The following ZAN variants were observed in gnomAD, a reference collection of about 807,000 sequenced individuals.
ZAN encodes the protein zonadhesin.
A neutral mutation model predicts 286.2 loss-of-function variants in ZAN; 260 were observed. The ratio of observed to expected loss-of-function variants is 0.91; its 90% CI spans 0.82 to 1.01. The LOEUF (loss-of-function observed/expected upper bound fraction) is 1.01, where lower values mean the gene tolerates loss of function less well. Ranked by LOEUF, ZAN falls within the 50% of genes least tolerant of loss-of-function variation. The pLI is 0.00. For missense variants in ZAN, 3,410 were observed against 3,639.2 expected (o/e 0.94, Z 1.62); for synonymous variants, 1,368 against 1,417.5 (o/e 0.97, Z 0.79).
At chr7:100,790,801 T>TGAAACCAGGA in intron 39 of ZAN, 141 bp from the exon 40 acceptor site, 1 of 918,556 alleles carries the variant, frequency 1.1e-6, no homozygotes, top group Non-Finnish European at 1.6e-6. Flanking sequence ...GGGAATTGCT[T>TGAAACCAGGA]GAAACCAGGA....
At chr7:100,780,411 T>C (rs1173521667) in intron 35 of ZAN, among the ~76,000 whole-genome samples, 2 of 151,848 alleles carry the variant, frequency 1.3e-5, no homozygotes, top group Non-Finnish European at 2.9e-5. Context: ...TGATGGCTCA[T>C]GCCTATAATC....
chr7:100,753,419 G>A (rs1439427945), intron 14 of ZAN, among the ~76,000 whole-genome samples, 190 bp downstream of exon 14: 1 of 152,230 alleles, frequency 6.6e-6, no homozygotes, highest in Non-Finnish European at 1.5e-5. Context: ...GAGCGAGAGG[G>A]ATGGCAGGGC....
At chr7:100,749,397 T>G (rs1247690504) in intron 11 of ZAN, among the ~76,000 whole-genome samples, 1 of 151,702 alleles carries the variant, frequency 6.6e-6, no homozygotes, top group Non-Finnish European at 1.5e-5. Flanking sequence ...TCCCAGCACT[T>G]TGGGAGGCCA....
At chr7:100,751,346 G>A in intron 13 of ZAN, 80 bp downstream of exon 13, 2 of 1,039,808 alleles carry the variant, frequency 1.9e-6, no homozygotes, top group East Asian at 2.9e-5. Flanking sequence ...TGCTTAAAAT[G>A]TGAGTCCTCC....
At chr7:100,771,730 C>T (rs1175487306) in intron 28 of ZAN, 114 bp from the exon 29 acceptor site, 62 of 1,180,782 alleles carry the variant, frequency 5.3e-5, no homozygotes, top group Non-Finnish European at 6.3e-5. Context: ...CTGTGCCTGG[C>T]GGGAAAATCC....
rs773063072 is a variant in ZAN, at chr7:100,734,618, C to CAAA, written c.53+408_53+410dup. Among the ~76,000 whole-genome samples, 202 of 72,080 alleles carry CAAA rather than the reference C, an allele frequency of 2.8e-3. 12 individuals are homozygous for CAAA. The highest frequency in any genetic ancestry group is 9.9e-3 in the African/African-American group (192 of 19,470). 47.3% of individuals were successfully genotyped at this position (72,080 alleles called of 152,430 possible). ...TGGATGACAGAGCGAGACTCCGTCTCAAAAAAAAAAAAACAAAAAAAAAGA... is the reference window on the plus strand; with the variant it reads ...TGGATGACAGAGCGAGACTCCGTCTCAAAAAAAAAAAAAAAACAAAAAAAAAGA... On this transcript the variant is annotated intron_variant, in intron 2 of 47. Transcript: ENST00000613979.
At chr7:100,770,111 C>T (rs1810274813) in intron 28 of ZAN, 137 bp downstream of exon 28, 3 of 746,876 alleles carry the variant, frequency 4.0e-6, no homozygotes, top group South Asian at 1.9e-5. Flanking sequence ...AACACAGGGC[C>T]AGCCAGCAGT....
intron 14 of ZAN, 90 bp downstream of exon 14, chr7:100,753,319 C>T (rs1006717899): frequency 6.1e-6 from 8 of 1,316,566 alleles, no homozygotes; most frequent in Non-Finnish European, 8.2e-6. Flanking sequence ...TGGTAGAAGC[C>T]TTCTAGTTGC....
intron 45 of ZAN, among the ~76,000 whole-genome samples, chr7:100,795,779 G>A (rs1013468748): frequency 4.0e-5 from 6 of 151,820 alleles, no homozygotes; most frequent in Admixed American, 6.6e-5. Flanking sequence ...GGTGGTGTGC[G>A]CCTGTAGTCC....
intron 36 of ZAN, among the ~76,000 whole-genome samples, chr7:100,785,653 T>G (rs961984509): frequency 6.7e-6 from 1 of 149,682 alleles, no homozygotes; most frequent in African/African-American, 2.5e-5. Context: ...CCCTCCCCTC[T>G]TCACTCTTTT....
intron 17 of ZAN, 95 bp from the exon 18 acceptor site, chr7:100,759,625 GC>G: frequency 1.5e-6 from 2 of 1,314,610 alleles, no homozygotes; most frequent in Non-Finnish European, 9.8e-7. Context: ...TCTCGGTGGC[GC>G]TCATCTCTCC....
chr7:100,778,595 G>T (rs1464330153), intron 34 of ZAN, among the ~76,000 whole-genome samples: 1 of 151,918 alleles, frequency 6.6e-6, no homozygotes. Flanking sequence ...GCGACAGATT[G>T]GGAAGCAAAA....
intron 37 of ZAN, among the ~76,000 whole-genome samples, chr7:100,786,832 A>G (rs971182526): frequency 6.6e-6 from 1 of 152,164 alleles, no homozygotes; most frequent in Non-Finnish European, 1.5e-5. Context: ...TGGAAGAATC[A>G]CTTCAGCCCA....
chr7:100,766,493 A>C (rs1425659359), intron 23 of ZAN, 32 bp from the exon 24 acceptor site: 1 of 1,535,964 alleles, frequency 6.5e-7, no homozygotes. Flanking sequence ...AAAAAAAAAC[A>C]CTTTCTCTTC....
At chr7:100,756,460 T>C (rs1809154524) in intron 15 of ZAN, among the ~76,000 whole-genome samples, 1 of 151,948 alleles carries the variant, frequency 6.6e-6, no homozygotes, top group South Asian at 2.1e-4. Context: ...CATTAAGCTA[T>C]TCATTAATGT....
rs779123004 is a variant in ZAN at position 100,747,555 on chromosome 7, A to T, written c.937A>T (p.Ile313Phe). The T allele has an allele frequency of 1.9e-6, 3 of 1,613,570 alleles. No individual in the cohort carries two copies. The Admixed American group carries it at 5.0e-5, about 27-fold the overall frequency. Reference protein sequence around the residue: ...LHIYASVLGSIRKHTLFSGQP... With the variant: ...LHIYASVLGSFRKHTLFSGQP... Reference sequence around the variant, plus strand: ...TCCAATTCCTTTCACTGCAGGGAGTATCCGGAAACACACTCTCTTCTCAGG... The same window carrying T: ...TCCAATTCCTTTCACTGCAGGGAGTTTCCGGAAACACACTCTCTTCTCAGG... The change falls in exon 9 of 48, where the codon ATC (isoleucine) becomes TTC (phenylalanine). Residue 313 changes from isoleucine (I) to phenylalanine (F), a missense_variant. Ile to Phe is a conservative substitution (Grantham distance 21). Around this residue, in one of 7 missense-constraint regions of ZAN, gnomAD observed 872 missense variants for 938.9 expected, o/e 0.93. Transcript: ENST00000613979.
chr7:100,789,566 C>T (rs1053721809), intron 39 of ZAN, among the ~76,000 whole-genome samples: 11 of 152,094 alleles, frequency 7.2e-5, no homozygotes, highest in Non-Finnish European at 1.2e-4. Context: ...TCCCAGCGCT[C>T]CGGGAAGCTG....
chr7:100,735,533 C>G (rs1401010313), intron 2 of ZAN, among the ~76,000 whole-genome samples, 187 bp from the exon 3 acceptor site: 8 of 130,594 alleles, frequency 6.1e-5, no homozygotes, highest in African/African-American at 2.3e-4. Context: ...TATCACTGCA[C>G]TCTAGCCTGG....
chr7:100,779,409 G>T (rs1164542780), intron 34 of ZAN, 37 bp from the exon 35 acceptor site: 2 of 1,562,842 alleles, frequency 1.3e-6, no homozygotes, highest in South Asian at 1.2e-5. Context: ...ATAGTAGGGG[G>T]ACGGCTGTCC....
Sources: allele counts gnomAD v4.1 joint callset (sites outside exome capture counted in the v4.1 genomes callset), GRCh38; gene constraint gnomAD v4.1.1; regional missense constraint gnomAD v4.1.1; transcripts MANE v1.5; gene names NCBI Gene and HGNC (gene_info 2026-07-23, HGNC 2026-07-21).